ARID3C: variants seen among roughly 807,000 people sequenced by gnomAD.
The protein encoded by ARID3C is AT-rich interactive domain-containing protein 3C.
ARID3C carries 42 observed loss-of-function variants against 37.9 expected under a neutral mutation model. The observed-to-expected ratio is 1.11, with a 90% CI of 0.87 to 1.43. The LOEUF (loss-of-function observed/expected upper bound fraction) is 1.43. ARID3C is among the 40% of genes most tolerant of loss of function. ARID3C has a pLI of 0.00. For synonymous variants in ARID3C, 213 were observed against 228.0 expected (o/e 0.93, Z 0.59); for missense variants, 581 against 548.8 (o/e 1.06, Z -0.59).
upstream of ARID3C, among the ~76,000 whole-genome samples, chr9:34,629,753 CTTTTCTTTT>C (rs1400406117): frequency 6.6e-6 from 1 of 152,040 alleles, no homozygotes; most frequent in Admixed American, 6.6e-5. Flanking sequence ...CTTTTTCTTT[CTTTTCTTTT>C]TTTTCTTTTT....
chr9:34,630,961 C>T (rs1446059676), upstream of ARID3C, among the ~76,000 whole-genome samples: 1 of 152,186 alleles, frequency 6.6e-6, no homozygotes, highest in Admixed American at 6.5e-5. Flanking sequence ...GCCAAGCCTC[C>T]TCCTCTGCCC....
chr9:34,628,218 G>A (rs960874170), upstream of ARID3C: 1 of 629,786 alleles, frequency 1.6e-6, no homozygotes, highest in Non-Finnish European at 2.5e-6. The surrounding 1 kb of genome is among the most constrained non-coding windows in gnomAD (Gnocchi z 5.2). Context: ...TTTCCCAGAG[G>A]TGAACAGAAA....
chr9:34,629,440 T>C (rs1820703073), upstream of ARID3C, among the ~76,000 whole-genome samples: 1 of 152,240 alleles, frequency 6.6e-6, no homozygotes, highest in African/African-American at 2.4e-5. Context: ...GCCAATGGCC[T>C]GGGCACGCTG....
intron 5 of ARID3C, 49 bp downstream of exon 6, chr9:34,622,298 T>A (rs1162614333): frequency 6.4e-7 from 1 of 1,572,898 alleles, no homozygotes; most frequent in Non-Finnish European, 8.6e-7. Context: ...GGGTCAATCC[T>A]CCCTCAGTGT....
Position 34,628,029 on chromosome 9 carries a change from G to A in ARID3C, c.-15C>T, listed in dbSNP as rs868479898. On this transcript the variant is annotated 5_prime_UTR_variant, in exon 1 of 7. Coordinates refer to ENST00000378909, the Ensembl canonical transcript of ARID3C. The surrounding 1 kb of genome is among the most constrained non-coding windows in gnomAD (Gnocchi z 5.2). ...AGGGCCTCCATGACAGCTTCCAGGC[G>A]CAGTCCCCCAGCTGAGGGGGTCCCT... 5.5e-6 allele frequency: 8 copies of A among 1,465,148 alleles called. No homozygotes were observed. Among genetic ancestry groups the A allele is most frequent in the Middle Eastern group, 2.0e-4 (1 of 5,072 alleles). 90.8% of individuals were successfully genotyped at this position (1,465,148 alleles called of 1,614,324 possible).
In ARID3C at chr9:34,622,035, C is replaced by T. The variant is rs142710890; in HGVS notation, c.1123G>A (p.Gly375Arg). 406 of 1,614,082 alleles carry T rather than the reference C, an allele frequency of 2.5e-4. 1 individual carries two copies. The East Asian group carries it at 6.1e-3, about 24-fold the overall frequency. The change falls in exon 6 of 7, where the codon GGG becomes AGG. Residue 375 changes from glycine to arginine, a missense_variant. Coordinates refer to ENST00000378909, the Ensembl canonical transcript of ARID3C. ...GTACCCATACCAGTGTAGACCACCCCGTTGATCTCTAGGGCCATGTTGATA... is the reference window on the plus strand; with the variant it reads ...GTACCCATACCAGTGTAGACCACCCTGTTGATCTCTAGGGCCATGTTGATA...
upstream of ARID3C, among the ~76,000 whole-genome samples, chr9:34,628,274 A>G (rs1820686329): frequency 6.6e-6 from 1 of 152,240 alleles, no homozygotes; most frequent in Non-Finnish European, 1.5e-5. The surrounding 1 kb of genome is among the most constrained non-coding windows in gnomAD (Gnocchi z 5.2). Context: ...TGAGGACTGG[A>G]AGAGTGAGCA....
intron 2 of ARID3C, among the ~76,000 whole-genome samples, chr9:34,625,462 G>T (rs1379502354): frequency 6.6e-6 from 1 of 152,172 alleles, no homozygotes; most frequent in Non-Finnish European, 1.5e-5. Flanking sequence ...GGCATTCTCA[G>T]CCCTCTGATT....
chr9:34,622,525 C>A, exon 5 of ARID3C: 1 of 1,602,602 alleles, frequency 6.2e-7, no homozygotes, highest in South Asian at 1.1e-5. Flanking sequence ...GAATTCCACT[C>A]TCCTCTAGAA....
Position 34,628,020 on chromosome 9 carries a change from C to A in ARID3C, c.-6G>T. On this transcript the variant is annotated 5_prime_UTR_variant, in exon 1 of 7. Coordinates refer to ENST00000378909, the Ensembl canonical transcript of ARID3C. This position sits in a 1 kb window ranked among gnomAD's most constrained non-coding sequence, Gnocchi z 5.2. ...TGCTTCTGCAGGGCCTCCATGACAGCTTCCAGGCGCAGTCCCCCAGCTGAG... is the reference window on the plus strand; with the variant it reads ...TGCTTCTGCAGGGCCTCCATGACAGATTCCAGGCGCAGTCCCCCAGCTGAG... 6.8e-7 allele frequency: 1 copy of A among 1,472,372 alleles called. No homozygotes were observed. Among genetic ancestry groups the A allele is most frequent in the South Asian group, 1.4e-5 (1 of 71,900 alleles). 91.2% of individuals were successfully genotyped at this position (1,472,372 alleles called of 1,614,324 possible).
upstream of ARID3C, among the ~76,000 whole-genome samples, chr9:34,629,590 C>T (rs1310047106): frequency 3.3e-5 from 5 of 152,228 alleles, no homozygotes; most frequent in African/African-American, 1.2e-4. Context: ...GCGGTTTGCA[C>T]ACATGAGTGC....
intron 1 of ARID3C, 68 bp from the exon 3 acceptor site, chr9:34,625,882 G>A (rs1820648719): frequency 3.2e-6 from 5 of 1,562,958 alleles, no homozygotes; most frequent in African/African-American, 1.4e-5. Context: ...CCCAATTCAG[G>A]TTGTACCCTG....
exon 4 of ARID3C, chr9:34,623,544 G>T: frequency 6.3e-7 from 1 of 1,591,368 alleles, no homozygotes; most frequent in Non-Finnish European, 8.6e-7. Flanking sequence ...GGGACCCAAG[G>T]CTGGGTCCTG....
exon 7 of ARID3C, chr9:34,621,460 A>G (rs574207978): frequency 6.6e-7 from 1 of 1,516,356 alleles, no homozygotes; most frequent in Middle Eastern, 1.8e-4. Context: ...AGGACCTCTC[A>G]GGGCAAGATG....
chr9:34,632,505 C>A (rs148477205), upstream of ARID3C, among the ~76,000 whole-genome samples: 5 of 152,154 alleles, frequency 3.3e-5, no homozygotes, highest in African/African-American at 1.2e-4. Context: ...CTGGCTGCTG[C>A]GTGGAGAACC....
chr9:34,627,765 T>A lies in ARID3C; in HGVS notation c.250A>T (p.Ser84Cys), dbSNP rs1175625364. ...CCAGGGGGCTGGCTAGAAGGCGAGC[T>A]GGGGCCCTGGGCCCCTGGACGGCTC... Residue 84 changes from serine (S) to cysteine (C), a missense_variant, in exon 1 of 7, where the codon AGC becomes TGC. Ser to Cys is a moderately radical substitution (Grantham distance 112, BLOSUM62 -1). Transcript: ENST00000378909. 7.4e-6 allele frequency: 12 copies of A among 1,614,032 alleles called. No homozygotes were observed. In the Admixed American group the frequency reaches 1.7e-4, roughly 22 times the overall value.
chr9:34,623,434 T>TAGGGCTTGGACTCAGCTG, exon 4 of ARID3C: 1 of 1,499,482 alleles, frequency 6.7e-7, no homozygotes, highest in Non-Finnish European at 8.9e-7. Context: ...CCTTTCTTAA[T>TAGGGCTTGGACTCAGCTG]AGGGCTTGGA....
chr9:34,627,816 C>T (rs140426594), exon 1 of ARID3C: 126 of 1,613,218 alleles, frequency 7.8e-5, no homozygotes, highest in Admixed American at 1.3e-4. Flanking sequence ...TCCTCTGCCC[C>T]GGCTTCCTCC....
exon 4 of ARID3C, chr9:34,623,614 G>A: frequency 6.2e-7 from 1 of 1,607,270 alleles, no homozygotes; most frequent in Non-Finnish European, 8.5e-7. Context: ...TAAGCCTGGC[G>A]ACGGCCCTCG....
Sources: allele counts gnomAD v4.1 joint callset (sites outside exome capture counted in the v4.1 genomes callset), GRCh38; gene constraint gnomAD v4.1.1; non-coding constraint Gnocchi (gnomAD v3.1); transcripts MANE v1.5; gene names NCBI Gene and HGNC (gene_info 2026-07-23, HGNC 2026-07-21).